Variants in GPATCH2L observed in about 807,000 individuals in gnomAD.
GPATCH2L encodes G-patch domain containing 2 like.
Under a neutral mutation model 57.4 loss-of-function variants are expected in GPATCH2L, and 31 were observed. That is an observed-to-expected ratio of 0.54 (90% CI 0.41 to 0.73). The LOEUF (loss-of-function observed/expected upper bound fraction) is 0.73. GPATCH2L is among the 30% of genes least tolerant of loss of function. The pLI, the probability that GPATCH2L is intolerant of heterozygous loss-of-function variation, is 0.00. For missense variants in GPATCH2L, 481 were observed against 599.9 expected (o/e 0.80, Z 2.07); for synonymous variants, 199 against 210.7 (o/e 0.94, Z 0.48).
downstream of GPATCH2L, among the ~76,000 whole-genome samples, chr14:76,215,578 A>C (rs1457064725): frequency 6.6e-6 from 1 of 151,804 alleles, no homozygotes; most frequent in Non-Finnish European, 1.5e-5. Context: ...ATGGAATACT[A>C]TGCAGCCATA....
intron 1 of GPATCH2L, among the ~76,000 whole-genome samples, chr14:76,223,973 A>C (rs2040526183): frequency 6.6e-6 from 1 of 152,238 alleles, no homozygotes; most frequent in South Asian, 2.1e-4. Flanking sequence ...AATAAACTAA[A>C]AGTGAAAACC....
chr14:76,199,128 T>C (rs931350654), intron 9 of GPATCH2L, among the ~76,000 whole-genome samples: 2 of 152,154 alleles, frequency 1.3e-5, no homozygotes, highest in African/African-American at 4.8e-5. Flanking sequence ...ATACAGCAAA[T>C]ATCCACGTAC....
rs2040431292 is a variant in GPATCH2L, at chr14:76,210,695, G to A, written c.*8844G>A. 1 of 152,174 alleles carries A rather than the reference G, an allele frequency of 6.6e-6. No homozygotes were observed. Among genetic ancestry groups the A allele is most frequent in the Non-Finnish European group, 1.5e-5 (1 of 68,034 alleles). 9.4% of individuals were successfully genotyped at this position (152,174 alleles called of 1,614,324 possible). On this transcript the variant is annotated 3_prime_UTR_variant, in exon 10 of 10. Transcript: ENST00000261530. ...GAAGGTATTATCCTTTCTGTACCAAGGCACAACTGATTCCTAAGTGAGGGG... is the reference window on the plus strand; with the variant it reads ...GAAGGTATTATCCTTTCTGTACCAAAGCACAACTGATTCCTAAGTGAGGGG...
rs567291825 is a variant in GPATCH2L, at chr14:76,228,522, C to T, written c.66-1286C>T. ...AAGGTCATCCTTTGAGATTAGCGTT[C>T]TGTGGGTTGCATCTGTAATAAGTCA... On this transcript the variant is annotated intron_variant and NMD_transcript_variant, in intron 1 of 3. Coordinates refer to the GPATCH2L transcript ENST00000556372. Among the ~76,000 whole-genome samples the T allele has an allele frequency of 4.1e-4, 63 of 152,322 alleles. 2 individuals are homozygous for T. In the South Asian group the frequency reaches 0.013, roughly 31 times the overall value.
In GPATCH2L at chr14:76,205,021, G is replaced by C. The variant is rs893019662; in HGVS notation, c.*3170G>C. Reference sequence around the variant, plus strand: ...TTCTTGATCTGTCACTCAGGTTAGAGTGCAGTGATGTGTTCATAGCTCACT... The same window carrying C: ...TTCTTGATCTGTCACTCAGGTTAGACTGCAGTGATGTGTTCATAGCTCACT... On this transcript the variant is annotated 3_prime_UTR_variant, in exon 10 of 10. Coordinates refer to ENST00000261530, the MANE Select transcript of GPATCH2L (RefSeq NM_017926.4). 2.0e-5 allele frequency: 3 copies of C among 152,156 alleles called. No homozygotes were observed. Among genetic ancestry groups the C allele is most frequent in the African/African-American group, 7.2e-5 (3 of 41,408 alleles). 9.4% of individuals were successfully genotyped at this position (152,156 alleles called of 1,614,324 possible). A position where few individuals can be genotyped will look rare whatever the true frequency, so the allele number is the denominator to read the frequency against.
intron 1 of GPATCH2L, chr14:76,152,949 T>TC (rs895744800): frequency 1.1e-5 from 4 of 353,806 alleles, no homozygotes; most frequent in Non-Finnish European, 2.2e-5. Context: ...CTTTTTTTTT[T>TC]CCCATTTTTT....
chr14:76,221,169 GAAA>G (rs369343411), intron 1 of GPATCH2L, among the ~76,000 whole-genome samples: 1 of 119,428 alleles, frequency 8.4e-6, no homozygotes. Context: ...TCAGCAATAA[GAAA>G]AAAAAAAAAG....
Position 76,178,043 on chromosome 14 carries a change from G to A in GPATCH2L, c.1107+1G>A. The A allele has an allele frequency of 2.5e-6, 4 of 1,596,912 alleles. No homozygotes were observed. The highest frequency in any genetic ancestry group is 2.2e-5 in the South Asian group (2 of 90,712). On this transcript the variant is annotated splice_donor_variant, in intron 7 of 9. Transcript: ENST00000261530. LOFTEE classifies it high-confidence loss of function. ...TCACATTTCTGCTTGTGCACATGAG[G>A]TAAGGTTTCCTCTTTCTTGTTATTT...
At chr14:76,158,081 C>T (rs1363970369) in intron 2 of GPATCH2L, among the ~76,000 whole-genome samples, 1 of 151,782 alleles carries the variant, frequency 6.6e-6, no homozygotes, top group Non-Finnish European at 1.5e-5. Flanking sequence ...TTGCTCTATT[C>T]TTTACTAACA....
intron 2 of GPATCH2L, among the ~76,000 whole-genome samples, chr14:76,161,577 G>A (rs887334742): frequency 1.3e-5 from 2 of 152,190 alleles, no homozygotes; most frequent in Admixed American, 6.5e-5. Flanking sequence ...AGGGTGTGCT[G>A]TGCTTTTTTC....
intron 2 of GPATCH2L, among the ~76,000 whole-genome samples, chr14:76,156,127 G>A (rs1053784175): frequency 3.9e-5 from 6 of 152,174 alleles, no homozygotes; most frequent in Non-Finnish European, 8.8e-5. Flanking sequence ...TAGATAATTT[G>A]CCTAAGATCA....
intron 2 of GPATCH2L, among the ~76,000 whole-genome samples, chr14:76,232,074 G>A (rs1242366211): frequency 9.8e-5 from 1 of 10,198 alleles, no homozygotes; most frequent in Non-Finnish European, 3.8e-4. Flanking sequence ...ACCACGCCCA[G>A]CTAATTTTTG....
chr14:76,178,856 C>G (rs189881901), intron 7 of GPATCH2L: 6 of 152,446 alleles, frequency 3.9e-5, no homozygotes, highest in African/African-American at 7.2e-5. Context: ...TCCCTGGCTA[C>G]CCCCTGAGGG....
chr14:76,178,080 G>T, intron 7 of GPATCH2L, 38 bp downstream of exon 7: 1 of 1,523,410 alleles, frequency 6.6e-7, no homozygotes. Flanking sequence ...GATTTTCTTG[G>T]AGAACCGTTT....
chr14:76,191,157 T>C (rs1266108961), intron 8 of GPATCH2L, among the ~76,000 whole-genome samples: 4 of 152,166 alleles, frequency 2.6e-5, no homozygotes, highest in Non-Finnish European at 5.9e-5. Context: ...TTTGTGCTTT[T>C]GTCCCTCTTT....
At position 76,202,652 on chromosome 14, in the gene GPATCH2L, A is replaced by C. The variant is rs2040329357; in HGVS notation, c.*801A>C. 1 of 152,636 alleles carries C rather than the reference A, an allele frequency of 6.6e-6. No homozygotes were observed. Among genetic ancestry groups the C allele is most frequent in the Admixed American group, 6.5e-5 (1 of 15,278 alleles). 9.5% of individuals were successfully genotyped at this position (152,636 alleles called of 1,614,324 possible). On this transcript the variant is annotated 3_prime_UTR_variant, in exon 10 of 10. Coordinates refer to ENST00000261530, the MANE Select transcript of GPATCH2L (RefSeq NM_017926.4). ...TCTTACTACTTCATGTCCCAGTGTA[A>C]GCCTTTATGTCCTAAGCAGGACTTT...
chr14:76,169,540 G>A (rs1394203106), intron 3 of GPATCH2L, among the ~76,000 whole-genome samples: 2 of 152,108 alleles, frequency 1.3e-5, no homozygotes, highest in Admixed American at 6.5e-5. Context: ...CCCTGGCAGC[G>A]CTCTTTTAAG....
intron 8 of GPATCH2L, among the ~76,000 whole-genome samples, chr14:76,183,030 A>G (rs1053276662): frequency 1.3e-5 from 2 of 152,206 alleles, no homozygotes; most frequent in Non-Finnish European, 2.9e-5. Flanking sequence ...CTGAAAGTGG[A>G]TTACTTTCCC....
In GPATCH2L at chr14:76,177,846, ACTT is replaced by A. The variant is rs778158130; in HGVS notation, c.1053-138_1053-136del. Reference sequence around the variant, plus strand: ...TTCTCCCTTCTGTAATTTTCCTATCACTTCTTTTATTGTTTTCTTTCCTGTTAT... The same window carrying A: ...TTCTCCCTTCTGTAATTTTCCTATCACTTTTATTGTTTTCTTTCCTGTTAT... On this transcript the variant is annotated intron_variant, in intron 6 of 9. Coordinates refer to ENST00000261530, the MANE Select transcript of GPATCH2L (RefSeq NM_017926.4). 4.0e-6 allele frequency: 5 copies of A among 1,235,090 alleles called. No individual in the cohort carries two copies. The East Asian group carries it at 7.0e-5, about 17-fold the overall frequency. The allele number at this position is 1,235,090 out of a possible 1,614,324, so 76.5% of individuals were successfully genotyped here.
Sources: gnomAD v4.1 joint callset for allele counts (sites outside exome capture counted in the v4.1 genomes callset) on GRCh38, gnomAD v4.1.1 for gene constraint, MANE v1.5 for transcripts, NCBI Gene and HGNC (gene_info 2026-07-23, HGNC 2026-07-21) for gene names.